Variants in KRT80 observed in about 807,000 individuals in gnomAD.
KRT80 encodes the protein keratin, type II cytoskeletal 80.
KRT80 carries 36 observed loss-of-function variants against 51.5 expected under a neutral mutation model. The observed-to-expected ratio is 0.70, with a 90% CI of 0.54 to 0.92. KRT80 has a LOEUF of 0.92. KRT80 is among the 40% of genes least tolerant of loss of function. The pLI, the probability that KRT80 is intolerant of heterozygous loss-of-function variation, is 0.00. For missense variants in KRT80, 566 were observed against 591.7 expected (o/e 0.96, Z 0.45); for synonymous variants, 235 against 248.3 (o/e 0.95, Z 0.50).
In KRT80 at chr12:52,185,375, G is replaced by A. The variant is rs766503973; in HGVS notation, c.509+4C>T. ...GCTCATGGCTCTCATGGGGCTCTAC[G>A]TACCTGATTCGAAACTCCTCAACCT... On this transcript the variant is annotated splice_donor_region_variant and intron_variant, in intron 2 of 8. Transcript: ENST00000394815. 5.8e-5 allele frequency: 94 copies of A among 1,608,228 alleles called. 1 individual carries two copies. The highest frequency in any genetic ancestry group is 1.6e-4 in the Middle Eastern group (1 of 6,062).
intron 1 of KRT80, among the ~76,000 whole-genome samples, chr12:52,189,433 C>A (rs1941449396): frequency 6.6e-6 from 1 of 152,214 alleles, no homozygotes; most frequent in South Asian, 2.1e-4. Context: ...AAATTCTTTT[C>A]AAAAATTCTC....
At chr12:52,185,840 G>T (rs1159982852) in intron 1 of KRT80, 1 of 654,242 alleles carries the variant, frequency 1.5e-6, no homozygotes, top group Non-Finnish European at 2.5e-6. Flanking sequence ...GCAGGGCAGG[G>T]CTGGCAGAGG....
chr12:52,185,629 A>G (rs1941393793), intron 1 of KRT80, 42 bp from the exon 2 acceptor site: 1 of 1,587,536 alleles, frequency 6.3e-7, no homozygotes, highest in Non-Finnish European at 8.5e-7. Flanking sequence ...GGTGTGGACC[A>G]GTCGGGGGCT....
In KRT80 at chr12:52,191,703, G is replaced by C; in HGVS notation, c.200C>G (p.Pro67Arg). Residue 67 changes from proline to arginine, a missense_variant, in exon 1 of 9, where the codon CCC (proline) becomes CGC (arginine). Pro to Arg is a moderately radical substitution (Grantham distance 103). Coordinates refer to ENST00000394815, the MANE Select transcript of KRT80 (RefSeq NM_182507.3). ...KVTVNPGLLV[P>R]LDVKLDPAVQ... ...AGCGGGGTCCAACTTGACATCCAGG[G>C]GCACCAGCAGGCCGGGGTTCACAGT... 1 of 1,613,800 alleles carries C rather than the reference G, an allele frequency of 6.2e-7. No individual in the cohort carries two copies. The highest frequency in any genetic ancestry group is 8.5e-7 in the Non-Finnish European group (1 of 1,179,876).
At chr12:52,186,162 C>G (rs1399666515) in intron 1 of KRT80, among the ~76,000 whole-genome samples, 1 of 151,994 alleles carries the variant, frequency 6.6e-6, no homozygotes, top group East Asian at 1.9e-4. Context: ...CGAGCTCAGC[C>G]TGGGGCTCTC....
Position 52,189,444 on chromosome 12 carries a change from C to G in KRT80, c.300+2159G>C, listed in dbSNP as rs535280942. Among the ~76,000 whole-genome samples, 7 of 152,296 alleles carry G rather than the reference C, an allele frequency of 4.6e-5. No individual in the cohort carries two copies. The South Asian group carries it at 1.5e-3, about 32-fold the overall frequency. On this transcript the variant is annotated intron_variant, in intron 1 of 8. Coordinates refer to ENST00000394815, the MANE Select transcript of KRT80 (RefSeq NM_182507.3). Reference sequence around the variant, plus strand: ...TTCTAAATTCTTTTCAAAAATTCTCCCATTTGATTCTAATGAGCCTGCTAA... The same window carrying G: ...TTCTAAATTCTTTTCAAAAATTCTCGCATTTGATTCTAATGAGCCTGCTAA...
intron 6 of KRT80, 139 bp downstream of exon 6, chr12:52,172,899 A>G: frequency 3.1e-6 from 3 of 956,508 alleles, no homozygotes; most frequent in Non-Finnish European, 4.6e-6. Context: ...CCCATTTGAC[A>G]GATTAGGAAA....
chr12:52,173,635 T>C lies in KRT80; in HGVS notation c.796A>G (p.Ser266Gly), dbSNP rs753459940. 2.0e-5 allele frequency: 33 copies of C among 1,612,948 alleles called. No individual in the cohort carries two copies. The highest frequency in any genetic ancestry group is 3.3e-5 in the Admixed American group (2 of 60,006). Residue 266 changes from serine (S) to glycine (G), a missense_variant, in exon 5 of 9, where the codon AGC (serine) becomes GGC (glycine). Coordinates refer to ENST00000394815, the MANE Select transcript of KRT80 (RefSeq NM_182507.3). ...GAGTATGCCTCGGCCTCCTCCAGGC[T>C]GCGAGCCGCGACGGCGTCATACTGG... is the stretch of plus-strand genomic sequence containing the variant. ...KAQYDAVAAR[S>G]LEEAEAYSRS...
chr12:52,186,702 G>T (rs1941412574), intron 1 of KRT80, among the ~76,000 whole-genome samples: 1 of 152,186 alleles, frequency 6.6e-6, no homozygotes, highest in African/African-American at 2.4e-5. Flanking sequence ...TTCATGGGCT[G>T]GCTTCTGCCT....
chr12:52,185,510 G>A lies in KRT80; in HGVS notation c.378C>T (p.Phe126=), dbSNP rs17704675. Residue 126 remains phenylalanine (F), a synonymous_variant, in exon 2 of 9, where the codon TTC becomes TTT. Coordinates refer to ENST00000394815, the MANE Select transcript of KRT80 (RefSeq NM_182507.3). ...SFLQGQDSAI[F]DLGHLYEEYQ... ...ATTCCTCATAGAGATGCCCGAGGTC[G>A]AAGATGGCTGAGTCCTGGCCCTGCA... The A allele has an allele frequency of 0.092, 147,958 of 1,613,572 alleles. 7,463 individuals are homozygous for A. Among genetic ancestry groups the A allele is most frequent in the Non-Finnish European group, 0.11 (124,917 of 1,179,996 alleles).
intron 4 of KRT80, among the ~76,000 whole-genome samples, chr12:52,179,636 C>T (rs938666192): frequency 9.9e-5 from 15 of 152,232 alleles, no homozygotes; most frequent in African/African-American, 3.6e-4. Flanking sequence ...GTCAGCAGAT[C>T]ATAGGGCCAT....
Position 52,171,383 on chromosome 12 carries a change from T to A in KRT80, c.*15A>T, listed in dbSNP as rs1941095914. 1.3e-6 allele frequency: 2 copies of A among 1,562,936 alleles called. No individual in the cohort carries two copies. The highest frequency in any genetic ancestry group is 2.7e-5 in the African/African-American group (2 of 73,226). On this transcript the variant is annotated 3_prime_UTR_variant, in exon 9 of 9. Coordinates refer to ENST00000394815, the MANE Select transcript of KRT80 (RefSeq NM_182507.3). The stretch of plus-strand genomic sequence containing the variant: ...CTGCAGTGGAGTGCCCTGGGGTTCC[T>A]GGGGTCCAGCCGCCTTACTCTGAGA...
chr12:52,174,511 A>G (rs930021144), intron 4 of KRT80, among the ~76,000 whole-genome samples: 1 of 152,234 alleles, frequency 6.6e-6, no homozygotes, highest in Non-Finnish European at 1.5e-5. Flanking sequence ...ACCGTCTCCT[A>G]TCCCTGGAGA....
chr12:52,185,235 A>G, intron 2 of KRT80, 144 bp downstream of exon 2: 1 of 808,238 alleles, frequency 1.2e-6, no homozygotes. Flanking sequence ...TGCCTGGCAC[A>G]TACCAGTCCC....
chr12:52,191,357 T>A (rs1407529691), intron 1 of KRT80, among the ~76,000 whole-genome samples: 2 of 152,160 alleles, frequency 1.3e-5, no homozygotes, highest in African/African-American at 2.4e-5. Context: ...TCATGCAGCA[T>A]GTTATTATCA....
chr12:52,171,013 T>TAGG lies in KRT80; in HGVS notation c.*382_*384dup, dbSNP rs1483697388. 1.2e-5 allele frequency: 2 copies of TAGG among 171,906 alleles called. No individual in the cohort carries two copies. Among genetic ancestry groups the TAGG allele is most frequent in the Non-Finnish European group, 2.5e-5 (2 of 79,848 alleles). The allele number at this position is 171,906 out of a possible 1,614,324, so 10.6% of individuals were successfully genotyped here. On this transcript the variant is annotated 3_prime_UTR_variant, in exon 9 of 9. Coordinates refer to ENST00000394815, the MANE Select transcript of KRT80 (RefSeq NM_182507.3). ...GGCAGAGACAAGGCAAGGCTTGAGATAGGAGTCAAGGTCAAGGATTGGGCA... is the reference window on the plus strand; with the variant it reads ...GGCAGAGACAAGGCAAGGCTTGAGATAGGAGGAGTCAAGGTCAAGGATTGGGCA...
chr12:52,171,939 A>ACAGGCATTTG (rs547775384), intron 7 of KRT80, among the ~76,000 whole-genome samples: 151 of 152,154 alleles, frequency 9.9e-4, no homozygotes, highest in Non-Finnish European at 1.8e-3. Flanking sequence ...CTGAGTTTTG[A>ACAGGCATTTG]CAGGCATTTG....
rs1941065370 is a variant in KRT80, at chr12:52,170,326, GT to G, written c.*1071del. 1.3e-5 allele frequency: 2 copies of G among 152,578 alleles called. No individual in the cohort carries two copies. The highest frequency in any genetic ancestry group is 4.8e-5 in the African/African-American group (2 of 41,576). The allele number at this position is 152,578 out of a possible 1,614,324, so 9.5% of individuals were successfully genotyped here. ...GAAAGGAGGAGCTCTAACCCCATAGGTGTGGGGGGTTCCTGGGCTCCCCCAT... is the reference window on the plus strand; with the variant it reads ...GAAAGGAGGAGCTCTAACCCCATAGGGTGGGGGGTTCCTGGGCTCCCCCAT... On this transcript the variant is annotated 3_prime_UTR_variant, in exon 9 of 9. Coordinates refer to ENST00000394815, the MANE Select transcript of KRT80 (RefSeq NM_182507.3).
rs537001249 is a variant in KRT80, at chr12:52,180,524, T to C, written c.655A>G (p.Ile219Val). 9.6e-6 allele frequency: 14 copies of C among 1,463,788 alleles called. 1 individual carries two copies. In the South Asian group the frequency reaches 2.2e-4, roughly 23 times the overall value. 90.7% of individuals were successfully genotyped at this position (1,463,788 alleles called of 1,614,324 possible). Residue 219 changes from isoleucine to valine, a missense_variant, in exon 4 of 9, where the codon ATC becomes GTC. Physicochemically the swap from Ile to Val is conservative, Grantham distance 29. Transcript: ENST00000394815. Reference protein sequence around the residue: ...LESFVELMKTIYEQELKDLAA... With the variant: ...LESFVELMKTVYEQELKDLAA... ...CCCATCTCACTCACCTGCTCATAGATGGTTTTCATCAACTCCACGAAGCTC... is the reference window on the plus strand; with the variant it reads ...CCCATCTCACTCACCTGCTCATAGACGGTTTTCATCAACTCCACGAAGCTC...
Sources: gnomAD v4.1 joint callset for allele counts (sites outside exome capture counted in the v4.1 genomes callset) on GRCh38, gnomAD v4.1.1 for gene constraint, MANE v1.5 for transcripts, NCBI Gene and HGNC (gene_info 2026-07-23, HGNC 2026-07-21) for gene names.